The following PCDH15 variants were observed in gnomAD, a reference collection of about 807,000 sequenced individuals.
The protein encoded by PCDH15 is protocadherin-15.
In PCDH15, 129 loss-of-function variants were observed where a neutral mutation model predicts 178.5. That is an observed-to-expected ratio of 0.72 (90% CI 0.63 to 0.84). The LOEUF is 0.84. Among genes scored for constraint, PCDH15 ranks in the 40% least tolerant of loss-of-function variants. The probability of loss-of-function intolerance (pLI) is 0.00; values close to 1 mark genes in which losing one functional copy is unlikely to be tolerated. For synonymous variants in PCDH15, 800 were observed against 732.0 expected, an observed-to-expected ratio of 1.09 and a Z score of -1.50; for missense variants, 2,230 against 2,099.9, an observed-to-expected ratio of 1.06 and a Z score of -1.21.
intron 1 of PCDH15, among the ~76,000 whole-genome samples, chr10:55,252,837 T>C (rs754378465): frequency 3.9e-5 from 6 of 152,004 alleles, no homozygotes; most frequent in Non-Finnish European, 8.8e-5. Flanking sequence ...TAGAAGACGA[T>C]TACAATTTAG....
intron 2 of PCDH15, among the ~76,000 whole-genome samples, chr10:55,137,151 T>C (rs962041487): frequency 1.3e-4 from 20 of 152,172 alleles, no homozygotes; most frequent in African/African-American, 4.1e-4. Flanking sequence ...ACAATTACAG[T>C]CATGTACCGC....
At chr10:55,015,149 T>G (rs141802073) in intron 2 of PCDH15, among the ~76,000 whole-genome samples, 6 of 152,178 alleles carry the variant, frequency 3.9e-5, no homozygotes, top group African/African-American at 1.4e-4. Flanking sequence ...TGAGCCCAGC[T>G]ACCTGGGAGG....
chr10:54,139,048 C>A (rs1257714217), intron 14 of PCDH15, among the ~76,000 whole-genome samples: 2 of 151,884 alleles, frequency 1.3e-5, no homozygotes, highest in Non-Finnish European at 2.9e-5. Flanking sequence ...ATAAAAATGC[C>A]TTTAGAATTG....
intron 3 of PCDH15, among the ~76,000 whole-genome samples, chr10:54,465,906 A>G (rs553028238): frequency 1.3e-5 from 2 of 151,926 alleles, no homozygotes; most frequent in Non-Finnish European, 2.9e-5. Flanking sequence ...CAGCATTTAT[A>G]TATATTTTTT....
chr10:55,347,830 T>C (rs1844803751), intron 2 of PCDH15, among the ~76,000 whole-genome samples: 1 of 152,170 alleles, frequency 6.6e-6, no homozygotes, highest in Non-Finnish European at 1.5e-5. Context: ...TAGAAATAAT[T>C]GTTTAATACA....
At chr10:55,570,636 A>AAT (rs1471015853) in intron 2 of PCDH15, among the ~76,000 whole-genome samples, 1 of 152,004 alleles carries the variant, frequency 6.6e-6, no homozygotes, top group Non-Finnish European at 1.5e-5. Context: ...TGTATAAAGT[A>AAT]ATATATATTT....
chr10:55,023,082 C>T (rs868387530), intron 2 of PCDH15, among the ~76,000 whole-genome samples: 3 of 152,232 alleles, frequency 2.0e-5, no homozygotes, highest in South Asian at 2.1e-4. Context: ...GCTGGGACTG[C>T]AGGCGCCCGC....
At chr10:54,977,757 C>G (rs1009195711) in intron 2 of PCDH15, among the ~76,000 whole-genome samples, 4 of 152,124 alleles carry the variant, frequency 2.6e-5, no homozygotes, top group African/African-American at 9.7e-5. Flanking sequence ...TCCAATAACC[C>G]TCTCTTGGGG....
At chr10:55,372,719 C>G (rs1195427077) in intron 2 of PCDH15, among the ~76,000 whole-genome samples, 1 of 152,096 alleles carries the variant, frequency 6.6e-6, no homozygotes, top group African/African-American at 2.4e-5. Context: ...AAATCTTCAA[C>G]CACTTCTCTC....
intron 3 of PCDH15, among the ~76,000 whole-genome samples, chr10:54,465,170 G>T (rs1293609572): frequency 1.3e-5 from 2 of 151,888 alleles, no homozygotes; most frequent in African/African-American, 4.8e-5. Context: ...GGGGACATGT[G>T]ATTTTTTTGT....
At chr10:54,751,066 T>A (rs550346417) in intron 1 of PCDH15, among the ~76,000 whole-genome samples, 5 of 152,254 alleles carry the variant, frequency 3.3e-5, no homozygotes, top group African/African-American at 1.2e-4. Flanking sequence ...AGCGAGCATA[T>A]GGTCTCTATA....
chr10:54,997,694 G>T (rs1839682292), intron 2 of PCDH15, among the ~76,000 whole-genome samples: 1 of 152,034 alleles, frequency 6.6e-6, no homozygotes, highest in Admixed American at 6.6e-5. Flanking sequence ...CTTTAAGTTT[G>T]TTACTATAAA....
chr10:54,540,711 A>C (rs535147499), intron 2 of PCDH15, among the ~76,000 whole-genome samples: 1 of 152,130 alleles, frequency 6.6e-6, no homozygotes, highest in Admixed American at 6.5e-5. Context: ...AGGAACAAAG[A>C]AAACTATAGG....
chr10:54,047,487 G>A (rs945963069), intron 18 of PCDH15, among the ~76,000 whole-genome samples: 1 of 151,710 alleles, frequency 6.6e-6, no homozygotes, highest in Admixed American at 6.6e-5. Context: ...TGATATCTGG[G>A]GTACTAATAA....
At chr10:55,533,353 A>G (rs1404340418) in intron 2 of PCDH15, among the ~76,000 whole-genome samples, 1 of 152,100 alleles carries the variant, frequency 6.6e-6, no homozygotes, top group South Asian at 2.1e-4. Context: ...CCAAGGTCTT[A>G]CTAGAACTAA....
chr10:55,051,413 T>G (rs1280583141), intron 2 of PCDH15, among the ~76,000 whole-genome samples: 1 of 152,204 alleles, frequency 6.6e-6, no homozygotes. Context: ...ATTCTTCATT[T>G]CTATTAGTTT....
At chr10:53,863,524 T>C (rs1396891539) in intron 27 of PCDH15, among the ~76,000 whole-genome samples, 4 of 152,096 alleles carry the variant, frequency 2.6e-5, no homozygotes, top group African/African-American at 4.8e-5. Flanking sequence ...AACACTCTTA[T>C]GATTAGAGGG....
Position 54,398,730 on chromosome 10 carries a change from T to C in PCDH15, c.158-19788A>G, listed in dbSNP as rs142288560. Among the ~76,000 whole-genome samples the C allele has an allele frequency of 5.9e-5, 9 of 152,156 alleles. No homozygotes were observed. The East Asian group carries it at 1.4e-3, about 23-fold the overall frequency. On this transcript the variant is annotated intron_variant, in intron 3 of 37. Coordinates refer to ENST00000644397, the MANE Select transcript of PCDH15 (RefSeq NM_001384140.1). ...TGCTGCTGGATTATTTGCTTATTTGTTGTTTTAAATCAGAAAAAAAACCCC... is the reference window on the plus strand; with the variant it reads ...TGCTGCTGGATTATTTGCTTATTTGCTGTTTTAAATCAGAAAAAAAACCCC...
At chr10:54,698,143 T>C (rs1251223895) in intron 1 of PCDH15, among the ~76,000 whole-genome samples, 1 of 152,106 alleles carries the variant, frequency 6.6e-6, no homozygotes, top group Non-Finnish European at 1.5e-5. Flanking sequence ...CCAAACAGAA[T>C]TTAAGAAAGA....
Sources: gnomAD v4.1 joint callset for allele counts (sites outside exome capture counted in the v4.1 genomes callset) on GRCh38, gnomAD v4.1.1 for gene constraint, MANE v1.5 for transcripts, NCBI Gene and HGNC (gene_info 2026-07-23, HGNC 2026-07-21) for gene names.